Variants in TNFRSF21 observed in about 807,000 individuals in gnomAD.
TNFRSF21 encodes tumor necrosis factor receptor superfamily member 21.
TNFRSF21 carries 19 observed loss-of-function variants against 45.6 expected under a neutral mutation model. The ratio of observed to expected loss-of-function variants is 0.42; its 90% confidence interval spans 0.29 to 0.61. The LOEUF is 0.61. Ranked by LOEUF, TNFRSF21 falls within the 20% of genes least tolerant of loss-of-function variation. The pLI, the probability that TNFRSF21 is intolerant of heterozygous loss-of-function variation, is 0.23. For synonymous variants in TNFRSF21, 314 were observed against 335.5 expected (o/e 0.94, Z 0.70); for missense variants, 737 against 851.5 (o/e 0.87, Z 1.67).
rs930700276 is a variant in TNFRSF21 at position 47,232,570 on chromosome 6, AAAAGAG to A, written c.*189_*194del. The A allele has an allele frequency of 4.1e-5, 23 of 562,386 alleles. No individual in the cohort carries two copies. Among genetic ancestry groups the A allele is most frequent in the Middle Eastern group, 4.7e-4 (1 of 2,116 alleles). The allele number at this position is 562,386 out of a possible 1,614,324, so 34.8% of individuals were successfully genotyped here. On this transcript the variant is annotated 3_prime_UTR_variant, in exon 6 of 6. Transcript: ENST00000296861. ...CTTCCCAGAAGAGTTATTTAAAAAA[AAAAGAG>A]AGAGAGAGAAGGAGAAAGAACTCAA...
intron 4 of TNFRSF21, among the ~76,000 whole-genome samples, chr6:47,244,175 T>C (rs1162611551): frequency 6.6e-6 from 1 of 151,756 alleles, no homozygotes; most frequent in Non-Finnish European, 1.5e-5. Flanking sequence ...ACAAAAAAAA[T>C]TAGCCAGGCG....
At chr6:47,238,834 T>C (rs573028247) in intron 4 of TNFRSF21, among the ~76,000 whole-genome samples, 2 of 152,338 alleles carry the variant, frequency 1.3e-5, no homozygotes, top group Non-Finnish European at 2.9e-5. Flanking sequence ...TTTATGAGAA[T>C]AATGATTTAA....
intron 1 of TNFRSF21, 56 bp downstream of exon 1, chr6:47,309,360 G>A (rs374765735): frequency 6.7e-7 from 1 of 1,498,106 alleles, no homozygotes. Flanking sequence ...GGCTCCCGGA[G>A]AGCGGTTCCT....
chr6:47,234,862 T>A lies in TNFRSF21; in HGVS notation c.1546A>T (p.Ser516Cys). The change falls in exon 5 of 6, where the codon AGC becomes TGC. Residue 516 changes from serine (S) to cysteine (C), a missense_variant. By Grantham distance (112) the Ser-to-Cys change is moderately radical. Transcript: ENST00000296861. Reference sequence around the variant, plus strand: ...GGGATGGGGCTCGGGCTAAGCGGGCTGGGGCTCATCGGGAGAGCTAGTTTG... The same window carrying A: ...GGGATGGGGCTCGGGCTAAGCGGGCAGGGGCTCATCGGGAGAGCTAGTTTG... ...TDKLALPMSP[S>C]PLSPSPIPSP... is the part of the protein sequence containing the mutation. 7 of 1,443,378 alleles carry A rather than the reference T, an allele frequency of 4.8e-6. No individual in the cohort carries two copies. Among genetic ancestry groups the A allele is most frequent in the Non-Finnish European group, 6.4e-6 (7 of 1,100,918 alleles). 89.4% of individuals were successfully genotyped at this position (1,443,378 alleles called of 1,614,324 possible).
intron 5 of TNFRSF21, 59 bp from the exon 6 acceptor site, chr6:47,233,053 G>T (rs771922189): frequency 7.3e-6 from 11 of 1,516,560 alleles, no homozygotes; most frequent in Middle Eastern, 1.9e-4. Flanking sequence ...GCAAGGCCTG[G>T]AGGAAGGAGA....
At chr6:47,301,900 C>T (rs1329738295) in intron 1 of TNFRSF21, among the ~76,000 whole-genome samples, 1 of 152,140 alleles carries the variant, frequency 6.6e-6, no homozygotes, top group Non-Finnish European at 1.5e-5. Context: ...AAATATCCAG[C>T]TAAATTATTC....
intron 1 of TNFRSF21, among the ~76,000 whole-genome samples, chr6:47,305,902 T>C (rs895084650): frequency 6.6e-5 from 10 of 152,202 alleles, no homozygotes; most frequent in African/African-American, 2.2e-4. Context: ...CTAAGTAGTG[T>C]CACTCTGGGC....
chr6:47,273,990 A>T (rs1278279844), intron 3 of TNFRSF21, among the ~76,000 whole-genome samples: 1 of 152,238 alleles, frequency 6.6e-6, no homozygotes, highest in African/African-American at 2.4e-5. Context: ...ATAAGAGGAC[A>T]CAAATAACTG....
rs950418926 is a variant in TNFRSF21, at chr6:47,234,744, T to C, written c.1664A>G (p.Glu555Gly). 9 of 1,610,780 alleles carry C rather than the reference T, an allele frequency of 5.6e-6. No homozygotes were observed. Among genetic ancestry groups the C allele is most frequent in the Non-Finnish European group, 7.6e-6 (9 of 1,178,790 alleles). The stretch of plus-strand genomic sequence containing the variant: ...TGTAGAGTCACAGCGGAGAAGGGGC[T>C]CCGACTCATCCACGAAGAAGCCCTT... ...KNKGFFVDESEPLLRCDSTSS... is the reference protein window; with the variant it reads ...KNKGFFVDESGPLLRCDSTSS... The change falls in exon 5 of 6, where the codon GAG becomes GGG. Residue 555 changes from glutamate to glycine, a missense_variant. By Grantham distance (98) the Glu-to-Gly change is moderately conservative. Transcript: ENST00000296861.
In TNFRSF21 at chr6:47,286,310, C is replaced by T; in HGVS notation, c.382G>A (p.Asp128Asn). The change falls in exon 2 of 6, where the codon GAC (aspartate) becomes AAC (asparagine). Residue 128 changes from aspartate (D) to asparagine (N), a missense_variant. Coordinates refer to ENST00000296861, the MANE Select transcript of TNFRSF21 (RefSeq NM_014452.5). ...IEKLPCAALT[D>N]RECTCPPGMF... ...CCAGGTGGGCAAGTGCATTCTCGGT[C>T]AGTCAAGGCAGCACAAGGTAATTTC... 1 of 1,614,230 alleles carries T rather than the reference C, an allele frequency of 6.2e-7. No individual in the cohort carries two copies. The highest frequency in any genetic ancestry group is 1.1e-5 in the South Asian group (1 of 91,078).
At chr6:47,299,257 G>A (rs1455541681) in intron 1 of TNFRSF21, among the ~76,000 whole-genome samples, 2 of 152,144 alleles carry the variant, frequency 1.3e-5, no homozygotes, top group African/African-American at 2.4e-5. Context: ...TTGGGAGGCC[G>A]AGGCAGGAGG....
At chr6:47,275,360 T>C (rs905396395) in intron 3 of TNFRSF21, among the ~76,000 whole-genome samples, 13 of 152,152 alleles carry the variant, frequency 8.5e-5, no homozygotes, top group Non-Finnish European at 1.2e-4. Flanking sequence ...TACAGGGACA[T>C]GGATGAAGTT....
At chr6:47,297,015 G>T (rs563684308) in intron 1 of TNFRSF21, among the ~76,000 whole-genome samples, 12 of 152,272 alleles carry the variant, frequency 7.9e-5, no homozygotes, top group African/African-American at 2.9e-4. Flanking sequence ...AATAACCTGC[G>T]GCTTATGCTT....
Position 47,284,086 on chromosome 6 carries a change from A to T in TNFRSF21, c.1095T>A (p.Ile365=). The part of the protein sequence containing the change: ...VLFLLLVLVV[I]VVCSIRKSSR... ...AGCTTTTCCGGATACTGCACACCAC[A>T]ATCACCACAAGCACCAGCAGCAGGA... The change falls in exon 3 of 6, where the codon ATT becomes ATA. Residue 365 remains isoleucine, a synonymous_variant. Transcript: ENST00000296861. 1 of 1,614,142 alleles carries T rather than the reference A, an allele frequency of 6.2e-7. No individual in the cohort carries two copies.
intron 3 of TNFRSF21, among the ~76,000 whole-genome samples, chr6:47,267,423 C>T (rs1397333825): frequency 6.6e-6 from 1 of 152,074 alleles, no homozygotes; most frequent in African/African-American, 2.4e-5. Context: ...TTCTTTTCTA[C>T]TCTTCTTGTA....
At chr6:47,271,408 C>G (rs188220953) in intron 3 of TNFRSF21, among the ~76,000 whole-genome samples, 22 of 146,138 alleles carry the variant, frequency 1.5e-4, no homozygotes, top group African/African-American at 5.4e-4. Flanking sequence ...CATATCCAGC[C>G]AAACTAAGCT....
chr6:47,284,009 T>C lies in TNFRSF21; in HGVS notation c.1172A>G (p.Lys391Arg). 1 of 1,614,172 alleles carries C rather than the reference T, an allele frequency of 6.2e-7. No individual in the cohort carries two copies. The highest frequency in any genetic ancestry group is 8.5e-7 in the Non-Finnish European group (1 of 1,180,036). ...PRQDPSAIVE[K>R]AGLKKSMTPT... Reference sequence around the variant, plus strand: ...AGTCATGGATTTCTTCAGCCCTGCCTTTTCCACAATGGCACTGGGATCCTG... The same window carrying C: ...AGTCATGGATTTCTTCAGCCCTGCCCTTTCCACAATGGCACTGGGATCCTG... Residue 391 changes from lysine (K) to arginine (R), a missense_variant, in exon 3 of 6, where the codon AAG (lysine) becomes AGG (arginine). Transcript: ENST00000296861.
chr6:47,305,996 A>G (rs1762935547), intron 1 of TNFRSF21, among the ~76,000 whole-genome samples: 1 of 152,228 alleles, frequency 6.6e-6, no homozygotes. Context: ...GATATGATAT[A>G]GCAAGGGTAA....
At chr6:47,292,535 C>T (rs1762742771) in intron 1 of TNFRSF21, among the ~76,000 whole-genome samples, 1 of 152,184 alleles carries the variant, frequency 6.6e-6, no homozygotes, top group Non-Finnish European at 1.5e-5. Context: ...GAACTAAGGG[C>T]TCTAATCTTC....
Sources: allele counts gnomAD v4.1 joint callset (sites outside exome capture counted in the v4.1 genomes callset), GRCh38; gene constraint gnomAD v4.1.1; transcripts MANE v1.5; gene names NCBI Gene and HGNC (gene_info 2026-07-23, HGNC 2026-07-21).